CCT4: variants seen among roughly 807,000 people sequenced by gnomAD.
CCT4 encodes the protein chaperonin containing TCP1 subunit 4.
Under a neutral mutation model 62.5 loss-of-function variants are expected in CCT4, and 17 were observed. The ratio of observed to expected loss-of-function variants is 0.27; its 90% confidence interval spans 0.19 to 0.41. The LOEUF is 0.41. CCT4 is among the 10% of genes least tolerant of loss of function. CCT4 has a pLI of 1.00. For synonymous variants in CCT4, 250 were observed against 229.9 expected, an observed-to-expected ratio of 1.09 and a Z score of -0.79; for missense variants, 592 against 659.2, an observed-to-expected ratio of 0.90 and a Z score of 1.12.
chr2:61,872,118 G>C lies in CCT4; in HGVS notation c.1455C>G (p.Ala485=). The C allele has an allele frequency of 6.2e-7, 1 of 1,613,452 alleles. No homozygotes were observed. Among genetic ancestry groups the C allele is most frequent in the South Asian group, 1.1e-5 (1 of 91,018 alleles). The change falls in exon 12 of 14, where the codon GCC becomes GCG. Residue 485 remains alanine, a synonymous_variant. Coordinates refer to ENST00000394440, the MANE Select transcript of CCT4 (RefSeq NM_006430.4). Reference sequence around the variant, plus strand: ...TAATGCCTGCAGTTTTTTCTCCCTGGGCATGCCGGTTTCTTAGTTCTGTTA... The same window carrying C: ...TAATGCCTGCAGTTTTTTCTCCCTGCGCATGCCGGTTTCTTAGTTCTGTTA... The part of the protein sequence containing the change: ...STVTELRNRH[A]QGEKTAGINV...
chr2:61,874,456 A>G (rs549610571), intron 8 of CCT4, among the ~76,000 whole-genome samples: 85 of 152,184 alleles, frequency 5.6e-4, no homozygotes, highest in African/African-American at 2.0e-3. Flanking sequence ...TCATTTCTAC[A>G]AAAATTAGCC....
In CCT4 at chr2:61,872,545, A is replaced by G; in HGVS notation, c.1169T>C (p.Val390Ala). 1.2e-6 allele frequency: 2 copies of G among 1,614,086 alleles called. No individual in the cohort carries two copies. The highest frequency in any genetic ancestry group is 1.7e-6 in the Non-Finnish European group (2 of 1,179,878). Residue 390 changes from valine (V) to alanine (A), a missense_variant, in exon 11 of 14, where the codon GTT becomes GCT. Around this residue, in one of 3 missense-constraint regions of CCT4, gnomAD observed 522 missense variants for 571.2 expected, o/e 0.91. Coordinates refer to ENST00000394440, the MANE Select transcript of CCT4 (RefSeq NM_006430.4). The part of the protein sequence containing the change: ...ASPGKTVTIV[V>A]RGSNKLVIEE... The stretch of plus-strand genomic sequence containing the variant: ...AATCACCAGTTTGTTAGAACCACGA[A>G]CAACAATTGTAACTGTTTTTCCAGG...
intron 1 of CCT4, among the ~76,000 whole-genome samples, chr2:61,887,478 C>T (rs1490665907): frequency 1.3e-5 from 2 of 152,158 alleles, no homozygotes; most frequent in Non-Finnish European, 2.9e-5. Flanking sequence ...ACCTAGCTTT[C>T]TAATCTCACC....
At chr2:61,884,904 G>A in intron 2 of CCT4, 116 bp downstream of exon 2, 2 of 826,806 alleles carry the variant, frequency 2.4e-6, no homozygotes, top group Non-Finnish European at 1.9e-6. Context: ...GGGATTATAG[G>A]TGTGAGCCAC....
At position 61,872,487 on chromosome 2, in the gene CCT4, T is replaced by G. The variant is rs753646117; in HGVS notation, c.1227A>C (p.Leu409=). Residue 409 remains leucine, a synonymous_variant, in exon 11 of 14, where the codon CTA becomes CTC. Transcript: ENST00000394440. ...EEAERSIHDA[L]CVIRCLVKKR... ...TCTTCACTAAACAACGAATAACACA[T>G]AGGGCATCATGAATGGAGCGCTCAG... 6.8e-6 allele frequency: 11 copies of G among 1,613,890 alleles called. No individual in the cohort carries two copies. The East Asian group carries it at 8.9e-5, about 13-fold the overall frequency.
At chr2:61,871,615 T>C (rs1230685945) in intron 12 of CCT4, among the ~76,000 whole-genome samples, 1 of 152,192 alleles carries the variant, frequency 6.6e-6, no homozygotes, top group Non-Finnish European at 1.5e-5. Context: ...ATTTGTCTCC[T>C]CAACAAAACA....
intron 13 of CCT4, 107 bp downstream of exon 13, chr2:61,869,333 C>T: frequency 1.5e-6 from 1 of 655,062 alleles, no homozygotes; most frequent in East Asian, 2.8e-5. Context: ...AAAACTTTGT[C>T]TCAAAAAAAC....
chr2:61,888,427 G>T lies in CCT4; in HGVS notation c.81C>A (p.Arg27=), dbSNP rs746330571. 2 of 1,612,706 alleles carry T rather than the reference G, an allele frequency of 1.2e-6. No homozygotes were observed. Among genetic ancestry groups the T allele is most frequent in the Admixed American group, 1.7e-5 (1 of 59,894 alleles). Residue 27 remains arginine, a synonymous_variant, in exon 1 of 14, where the codon CGC becomes CGA. Transcript: ENST00000394440. ...TGAAGCGGATCTGGGCTGGCTTGTC[G>T]CGGTCCTGATAGGCGCCTTTCCCGC... ...GGRGKGAYQD[R]DKPAQIRFSN... is the part of the protein sequence containing the mutation.
intron 6 of CCT4, 142 bp from the exon 7 acceptor site, chr2:61,877,194 T>C (rs1669019539): frequency 1.1e-6 from 1 of 886,020 alleles, no homozygotes; most frequent in Admixed American, 2.7e-5. Flanking sequence ...CTGGATCTCT[T>C]TGATCCACTG....
At chr2:61,872,680 C>T in intron 10 of CCT4, 92 bp from the exon 11 acceptor site, 1 of 1,323,264 alleles carries the variant, frequency 7.6e-7, no homozygotes, top group Non-Finnish European at 1.1e-6. Context: ...GTAAACCCAA[C>T]ACTTTGGGAG....
chr2:61,875,870 A>G (rs981250084), intron 8 of CCT4, among the ~76,000 whole-genome samples: 1 of 152,108 alleles, frequency 6.6e-6, no homozygotes, highest in Non-Finnish European at 1.5e-5. Context: ...AACTTATACC[A>G]TTTTTTCCCT....
Position 61,873,266 on chromosome 2 carries a change from G to A in CCT4, c.945C>T (p.His315=), listed in dbSNP as rs200991443. The change falls in exon 9 of 14, where the codon CAC becomes CAT. Residue 315 remains histidine (H), a synonymous_variant. Transcript: ENST00000394440. ...LRDALSDLAL[H]FLNKMKIMVI... ...CCATGATCTTCATTTTATTCAGAAA[G>A]TGTAATGCAAGATCACTAAGAGCAT... 168 of 1,545,380 alleles carry A rather than the reference G, an allele frequency of 1.1e-4. No individual in the cohort carries two copies. Among genetic ancestry groups the A allele is most frequent in the Non-Finnish European group, 1.5e-4 (163 of 1,118,402 alleles).
At chr2:61,884,818 G>GT (rs1203932278) in intron 2 of CCT4, among the ~76,000 whole-genome samples, 3 of 151,910 alleles carry the variant, frequency 2.0e-5, no homozygotes, top group Non-Finnish European at 4.4e-5. Context: ...AGTAGACATA[G>GT]GGTTTCTCCA....
At chr2:61,870,303 CTCTTTAATGTTTAAATCA>C (rs1386072736) in intron 12 of CCT4, among the ~76,000 whole-genome samples, 2 of 152,020 alleles carry the variant, frequency 1.3e-5, no homozygotes, top group Non-Finnish European at 2.9e-5. Flanking sequence ...AAAATATTAT[CTCTTTAATGTTTAAATCA>C]TCTCTGAATT....
chr2:61,871,462 C>G (rs138256695), intron 12 of CCT4, among the ~76,000 whole-genome samples: 1 of 152,096 alleles, frequency 6.6e-6, no homozygotes, highest in Non-Finnish European at 1.5e-5. Flanking sequence ...CACTGCTTAC[C>G]CATCTGGAAT....
chr2:61,883,951 T>C (rs1281150009), intron 2 of CCT4, among the ~76,000 whole-genome samples: 2 of 152,234 alleles, frequency 1.3e-5, no homozygotes, highest in African/African-American at 2.4e-5. Context: ...GTCAACACAG[T>C]AACTTTTTTC....
At chr2:61,871,174 G>GAT (rs1448390058) in intron 12 of CCT4, among the ~76,000 whole-genome samples, 1 of 151,674 alleles carries the variant, frequency 6.6e-6, no homozygotes, top group Non-Finnish European at 1.5e-5. Context: ...TGGGATTACA[G>GAT]ATATCCGCCA....
rs755123671 is a variant in CCT4 at position 61,869,491 on chromosome 2, A to G, written c.1554T>C (p.Ala518=). 2 of 1,611,330 alleles carry G rather than the reference A, an allele frequency of 1.2e-6. No individual in the cohort carries two copies. Among genetic ancestry groups the G allele is most frequent in the Non-Finnish European group, 1.7e-6 (2 of 1,177,398 alleles). ...GAACAGTTTCAGTTGCAAGAGTCAG[A>G]GCACTGACTGATACCAACAGAGGCT... ...VVQPLLVSVS[A]LTLATETVRS... is the part of the protein sequence containing the mutation. Residue 518 remains alanine (A), a synonymous_variant, in exon 13 of 14, where the codon GCT becomes GCC. Coordinates refer to ENST00000394440, the MANE Select transcript of CCT4 (RefSeq NM_006430.4).
intron 3 of CCT4, 109 bp from the exon 4 acceptor site, chr2:61,880,503 T>C (rs1669089455): frequency 4.5e-6 from 3 of 671,966 alleles, no homozygotes; most frequent in Non-Finnish European, 7.8e-6. Context: ...AGATGCAACA[T>C]GATTCCTGAT....
Sources: gnomAD v4.1 joint callset for allele counts (sites outside exome capture counted in the v4.1 genomes callset) on GRCh38, gnomAD v4.1.1 for gene constraint, gnomAD v4.1.1 regional missense constraint, MANE v1.5 for transcripts, NCBI Gene and HGNC (gene_info 2026-07-23, HGNC 2026-07-21) for gene names.